The following USH1C variants were observed in gnomAD, a reference collection of about 807,000 sequenced individuals.
USH1C encodes the protein harmonin.
Under a neutral mutation model 119.3 loss-of-function variants are expected in USH1C, and 90 were observed. The observed-to-expected ratio is 0.75, with a 90% CI of 0.64 to 0.90. The LOEUF (loss-of-function observed/expected upper bound fraction) is 0.90. Among genes scored for constraint, USH1C ranks in the 40% least tolerant of loss-of-function variants. The pLI is 0.00. For synonymous variants in USH1C, 465 were observed against 443.3 expected (o/e 1.05, Z -0.62); for missense variants, 1,165 against 1,167.7 (o/e 1.00, Z 0.03).
chr11:17,533,271 G>A lies in USH1C; in HGVS notation c.88C>T (p.Leu30=). The A allele has an allele frequency of 6.2e-7, 1 of 1,613,774 alleles. No homozygotes were observed. The highest frequency in any genetic ancestry group is 8.5e-7 in the Non-Finnish European group (1 of 1,179,792). ...DAEKDYLYDV[L]RMYHQTMDVA... Reference sequence around the variant, plus strand: ...CACACTTACTGGTGGTACATTCGCAGCACATCATAGAGATAGTCCTTCTCT... The same window carrying A: ...CACACTTACTGGTGGTACATTCGCAACACATCATAGAGATAGTCCTTCTCT... The change falls in exon 2 of 27, where the codon CTG becomes TTG. Residue 30 remains leucine (L), a synonymous_variant. Transcript: ENST00000005226.
chr11:17,496,227 C>T (rs1208312466), intron 25 of USH1C, among the ~76,000 whole-genome samples: 1 of 151,964 alleles, frequency 6.6e-6, no homozygotes. Flanking sequence ...CAGAGAGACC[C>T]ACAGGACACA....
intron 12 of USH1C, among the ~76,000 whole-genome samples, chr11:17,522,417 G>T (rs1310641870): frequency 1.3e-5 from 2 of 152,158 alleles, no homozygotes; most frequent in Admixed American, 1.3e-4. Flanking sequence ...ACCTCCCAGG[G>T]CTATTGTGGG....
intron 9 of USH1C, 62 bp downstream of exon 9, chr11:17,524,389 G>A (rs919660566): frequency 1.2e-5 from 19 of 1,520,716 alleles, no homozygotes; most frequent in Non-Finnish European, 1.4e-5. Context: ...CTGTCACCGC[G>A]GGATCACAGT....
chr11:17,506,050 T>C lies in USH1C; in HGVS notation c.2014-101A>G. 1.9e-6 allele frequency: 3 copies of C among 1,560,644 alleles called. No individual in the cohort carries two copies. In the South Asian group the frequency reaches 3.4e-5, roughly 18 times the overall value. ...ACATGCAAATCTACACCCATGCATA[T>C]GTGAAGCCAGCCTGGTCATTCAACT... On this transcript the variant is annotated intron_variant, in intron 18 of 26. Coordinates refer to ENST00000005226, the MANE Select transcript of USH1C (RefSeq NM_153676.4).
intron 23 of USH1C, among the ~76,000 whole-genome samples, chr11:17,499,820 C>A (rs964899159): frequency 6.6e-6 from 1 of 152,238 alleles, no homozygotes; most frequent in African/African-American, 2.4e-5. Context: ...AGGGCCTTTC[C>A]CATCCCTGTT....
intron 13 of USH1C, 27 bp from the exon 14 acceptor site, chr11:17,521,021 C>T (rs1182029293): frequency 6.2e-7 from 1 of 1,613,692 alleles, no homozygotes; most frequent in Non-Finnish European, 8.5e-7. Flanking sequence ...ATGCCTGTTA[C>T]TGGAGTCAGA....
intron 26 of USH1C, 38 bp downstream of exon 26, chr11:17,495,531 G>T (rs374828976): frequency 3.8e-6 from 6 of 1,598,654 alleles, no homozygotes. Context: ...GCAAGCAGCA[G>T]GGACACACAG....
At chr11:17,496,643 C>G (rs914440632) in intron 25 of USH1C, 115 bp downstream of exon 25, 1 of 1,289,484 alleles carries the variant, frequency 7.8e-7, no homozygotes, top group African/African-American at 1.5e-5. Context: ...TGAGAAGCTG[C>G]GTGCTTGGGC....
intron 1 of USH1C, among the ~76,000 whole-genome samples, chr11:17,540,814 G>C (rs982955961): frequency 1.3e-5 from 2 of 152,118 alleles, no homozygotes; most frequent in Non-Finnish European, 2.9e-5. Context: ...CCTGACTGAG[G>C]TCCCCTTCTA....
intron 19 of USH1C, among the ~76,000 whole-genome samples, chr11:17,505,029 G>C (rs1849595996): frequency 6.6e-6 from 1 of 152,262 alleles, no homozygotes; most frequent in Non-Finnish European, 1.5e-5. Context: ...CATTTGGATA[G>C]AGTTTCCTTG....
intron 18 of USH1C, among the ~76,000 whole-genome samples, chr11:17,506,880 C>T (rs1266322461): frequency 1.3e-5 from 2 of 152,132 alleles, no homozygotes; most frequent in African/African-American, 4.8e-5. Flanking sequence ...AGGGAGACTG[C>T]AGCTGTCTAT....
intron 8 of USH1C, among the ~76,000 whole-genome samples, chr11:17,525,242 T>C (rs953731286): frequency 6.6e-6 from 1 of 152,192 alleles, no homozygotes; most frequent in African/African-American, 2.4e-5. Context: ...CTATTTGCCA[T>C]CCTGGACGCA....
chr11:17,513,344 C>A (rs1038027749), intron 15 of USH1C, among the ~76,000 whole-genome samples: 2 of 152,104 alleles, frequency 1.3e-5, no homozygotes, highest in Admixed American at 1.3e-4. Context: ...TCACCCCCGC[C>A]CCCAACAAGC....
chr11:17,498,295 G>A (rs1283651726), intron 23 of USH1C, 24 bp from the exon 24 acceptor site: 2 of 1,608,480 alleles, frequency 1.2e-6, no homozygotes, highest in Non-Finnish European at 1.7e-6. Flanking sequence ...AGGCTGATTG[G>A]CCAACTGGGC....
chr11:17,494,518 A>C (rs1287956732), intron 26 of USH1C, 142 bp from the exon 27 acceptor site: 25 of 927,708 alleles, frequency 2.7e-5, no homozygotes, highest in Middle Eastern at 6.0e-4. Flanking sequence ...CTCTGGGTGC[A>C]GGCCCCAAGT....
At position 17,531,659 on chromosome 11, in the gene USH1C, C is replaced by G; in HGVS notation, c.105-117G>C. ...GCCCAGGCTTAGGAATGGAGTAGAC[C>G]ACTCCTGAAAAGCCCAGAGCTCTTC... On this transcript the variant is annotated intron_variant, in intron 2 of 26. Coordinates refer to ENST00000005226, the MANE Select transcript of USH1C (RefSeq NM_153676.4). This position sits in a 1 kb window ranked among gnomAD's most constrained non-coding sequence, Gnocchi z 4.2. 1 of 1,377,736 alleles carries G rather than the reference C, an allele frequency of 7.3e-7. No individual in the cohort carries two copies. The highest frequency in any genetic ancestry group is 1.0e-6 in the Non-Finnish European group (1 of 1,001,324). 85.3% of individuals were successfully genotyped at this position (1,377,736 alleles called of 1,614,324 possible).
At position 17,516,280 on chromosome 11, in the gene USH1C, C is replaced by G. The variant is rs1232470937; in HGVS notation, c.1221G>C (p.Trp407Cys). The G allele has an allele frequency of 6.2e-7, 1 of 1,613,332 alleles. No individual in the cohort carries two copies. The highest frequency in any genetic ancestry group is 8.5e-7 in the Non-Finnish European group (1 of 1,179,764). The change falls in exon 15 of 27, where the codon TGG (tryptophan) becomes TGC (cysteine). Residue 407 changes from tryptophan to cysteine, a missense_variant. Coordinates refer to ENST00000005226, the MANE Select transcript of USH1C (RefSeq NM_153676.4). ...GGAATTTGCCATCGTAACGATAAAA[C>G]CATCCAAAAGCTATAAGACACAGAT... is the stretch of plus-strand genomic sequence containing the variant. The part of the protein sequence containing the change: ...VPLRKPKSFG[W>C]FYRYDGKFPT...
rs1850745378 is a variant in USH1C at position 17,527,283 on chromosome 11, T to C, written c.436A>G (p.Thr146Ala). The C allele has an allele frequency of 6.2e-7, 1 of 1,609,320 alleles. No homozygotes were observed. The highest frequency in any genetic ancestry group is 8.5e-7 in the Non-Finnish European group (1 of 1,178,120). Reference sequence around the variant, plus strand: ...ATGAGGTTGATGACCTCCTCATGGGTACAGGAGGAGATGGAATATCCATTG... The same window carrying C: ...ATGAGGTTGATGACCTCCTCATGGGCACAGGAGGAGATGGAATATCCATTG... ...RINGYSISSC[T>A]HEEVINLIRT... The change falls in exon 5 of 27, where the codon ACC becomes GCC. Residue 146 changes from threonine to alanine, a missense_variant. Physicochemically the swap from Thr to Ala is moderately conservative, Grantham distance 58 (BLOSUM62 0). Transcript: ENST00000005226.
rs1850387248 is a variant in USH1C, at chr11:17,521,000, A to C, written c.1086-6T>G. Reference sequence around the variant, plus strand: ...TCTCTTCCTCCTCTACAATCCTAAAATGAGACCCCCATGCCTGTTACTGGA... The same window carrying C: ...TCTCTTCCTCCTCTACAATCCTAAACTGAGACCCCCATGCCTGTTACTGGA... On this transcript the variant is annotated splice_region_variant and splice_polypyrimidine_tract_variant and intron_variant, in intron 13 of 26. Coordinates refer to ENST00000005226, the MANE Select transcript of USH1C (RefSeq NM_153676.4). 1.2e-6 allele frequency: 2 copies of C among 1,613,760 alleles called. No homozygotes were observed. The highest frequency in any genetic ancestry group is 2.7e-5 in the African/African-American group (2 of 74,844).
Sources: gnomAD v4.1 joint callset for allele counts (sites outside exome capture counted in the v4.1 genomes callset) on GRCh38, gnomAD v4.1.1 for gene constraint, Gnocchi (gnomAD v3.1) non-coding constraint, MANE v1.5 for transcripts, NCBI Gene and HGNC (gene_info 2026-07-23, HGNC 2026-07-21) for gene names.